TLE1: variants seen among roughly 807,000 people sequenced by gnomAD.
TLE1 encodes transducin-like enhancer protein 1.
Under a neutral mutation model 89.8 loss-of-function variants are expected in TLE1, and 21 were observed. The observed-to-expected ratio is 0.23, with a 90% confidence interval of 0.17 to 0.34. TLE1 has a LOEUF of 0.34. Among genes scored for constraint, TLE1 ranks in the 10% least tolerant of loss-of-function variants. The pLI is 1.00. For missense variants in TLE1, 795 were observed against 1,031.2 expected (o/e 0.77, Z 3.14); for synonymous variants, 447 against 407.6 (o/e 1.10, Z -1.16).
intron 8 of TLE1, among the ~76,000 whole-genome samples, chr9:81,624,789 CAAAT>C (rs1385385596): frequency 2.0e-5 from 3 of 152,020 alleles, no homozygotes; most frequent in African/African-American, 7.3e-5. Flanking sequence ...AAAAAATAAA[CAAAT>C]AAACAAAATC....
rs537039503 is a variant in TLE1, at chr9:81,625,183, C to T, written c.595-4626G>A. Reference sequence around the variant, plus strand: ...AGAAGGGACTGGACTCTCTCTCTCACGAAAATCTGGAATTCTGTGAGAACA... The same window carrying T: ...AGAAGGGACTGGACTCTCTCTCTCATGAAAATCTGGAATTCTGTGAGAACA... On this transcript the variant is annotated intron_variant, in intron 8 of 19. Coordinates refer to ENST00000376499, the MANE Select transcript of TLE1 (RefSeq NM_005077.5). 1.7e-3 allele frequency among the ~76,000 whole-genome samples: 263 copies of T among 152,236 alleles called. 1 individual carries two copies. The highest frequency in any genetic ancestry group is 5.8e-3 in the African/African-American group (239 of 41,532).
chr9:81,676,953 T>G (rs1465947091), intron 4 of TLE1, among the ~76,000 whole-genome samples: 1 of 152,186 alleles, frequency 6.6e-6, no homozygotes, highest in African/African-American at 2.4e-5. Context: ...ACTTACAAAT[T>G]TGGCCGGGCA....
At position 81,584,186 on chromosome 9, in the gene TLE1, C is replaced by T. The variant is rs1828014859; in HGVS notation, c.*12G>A. The T allele has an allele frequency of 6.2e-7, 1 of 1,606,044 alleles. No homozygotes were observed. On this transcript the variant is annotated 3_prime_UTR_variant, in exon 20 of 20. Transcript: ENST00000376499. ...CCCAATTCAACTATAAACGTTAAAC[C>T]ACATAATGTTTTCAGTAGATGACTT... is the stretch of plus-strand genomic sequence containing the variant.
intron 4 of TLE1, among the ~76,000 whole-genome samples, chr9:81,660,793 G>T (rs72747288): frequency 0.14 from 21,425 of 150,926 alleles, 1,911 homozygotes; most frequent in Non-Finnish European, 0.21. Context: ...AGTGTATTCT[G>T]CGACTTTTAA....
chr9:81,654,082 G>C (rs1432683178), intron 4 of TLE1, 46 bp from the exon 5 acceptor site: 2 of 1,588,292 alleles, frequency 1.3e-6, no homozygotes, highest in African/African-American at 1.3e-5. Context: ...TTCACAATCA[G>C]TTCAGAAAGG....
chr9:81,647,819 G>A (rs1462584415), intron 6 of TLE1, among the ~76,000 whole-genome samples: 1 of 152,056 alleles, frequency 6.6e-6, no homozygotes, highest in Non-Finnish European at 1.5e-5. Flanking sequence ...TTTGTCCAAG[G>A]CAACACAATG....
intron 11 of TLE1, among the ~76,000 whole-genome samples, chr9:81,614,502 A>C (rs937780334): frequency 6.6e-6 from 1 of 152,138 alleles, no homozygotes; most frequent in Non-Finnish European, 1.5e-5. Context: ...GCTTTACAAC[A>C]CAGTCCAAGA....
chr9:81,593,742 C>A (rs1380528646), intron 14 of TLE1, among the ~76,000 whole-genome samples: 3 of 152,100 alleles, frequency 2.0e-5, no homozygotes, highest in East Asian at 1.9e-4. Context: ...GCAAAAACAA[C>A]CTCCAAAAAA....
At chr9:81,672,322 A>AATTATTATTATTATTATTATT (rs534539630) in intron 4 of TLE1, among the ~76,000 whole-genome samples, 2 of 150,426 alleles carry the variant, frequency 1.3e-5, no homozygotes, top group African/African-American at 4.9e-5. Flanking sequence ...CCCTGCAATA[A>AATTATTATTATTATTATTATT]ATTATTATTA....
intron 4 of TLE1, among the ~76,000 whole-genome samples, chr9:81,679,795 A>G (rs1028153682): frequency 1.3e-5 from 2 of 152,196 alleles, no homozygotes; most frequent in Non-Finnish European, 2.9e-5. Context: ...AACGAAATCA[A>G]TCAAAGCTTT....
chr9:81,660,078 A>G (rs570622222), intron 4 of TLE1, among the ~76,000 whole-genome samples: 10 of 152,286 alleles, frequency 6.6e-5, no homozygotes, highest in African/African-American at 2.4e-4. Context: ...GCTTCCATAC[A>G]GTTTCTTAAC....
At chr9:81,623,306 T>C (rs1825509905) in intron 8 of TLE1, among the ~76,000 whole-genome samples, 1 of 152,136 alleles carries the variant, frequency 6.6e-6, no homozygotes, top group African/African-American at 2.4e-5. Context: ...AGAGCTACTT[T>C]ATACATATTT....
At chr9:81,638,646 G>A (rs1466199254) in intron 6 of TLE1, among the ~76,000 whole-genome samples, 3 of 152,054 alleles carry the variant, frequency 2.0e-5, no homozygotes, top group Non-Finnish European at 4.4e-5. Flanking sequence ...CTTTTTTTGA[G>A]ACAGAGTCTT....
chr9:81,628,793 C>T (rs935498505), intron 8 of TLE1, among the ~76,000 whole-genome samples: 1 of 152,124 alleles, frequency 6.6e-6, no homozygotes, highest in African/African-American at 2.4e-5. Context: ...ACCCAGCCTC[C>T]TTGATAAAAC....
rs1825188261 is a variant in TLE1 at position 81,621,096 on chromosome 9, T to TA, written c.595-540dup. The stretch of plus-strand genomic sequence containing the variant: ...AATTCTTTTAATTTATTGTTGAAAA[T>TA]AAGACTTGGTGTTCCTCGCCAATAG... On this transcript the variant is annotated intron_variant, in intron 8 of 19. Coordinates refer to ENST00000376499, the MANE Select transcript of TLE1 (RefSeq NM_005077.5). Among the ~76,000 whole-genome samples, 7 of 152,270 alleles carry TA rather than the reference T, an allele frequency of 4.6e-5. No homozygotes were observed. The South Asian group carries it at 1.4e-3, about 32-fold the overall frequency.
chr9:81,672,242 T>C (rs1398335010), intron 4 of TLE1, among the ~76,000 whole-genome samples: 1 of 152,156 alleles, frequency 6.6e-6, no homozygotes, highest in Admixed American at 6.6e-5. Context: ...TTCTACTGCA[T>C]TGTGCTTGGG....
chr9:81,653,507 A>G (rs1418395927), intron 5 of TLE1, among the ~76,000 whole-genome samples: 5 of 152,234 alleles, frequency 3.3e-5, no homozygotes, highest in Non-Finnish European at 7.3e-5. Flanking sequence ...TCATTAAGTT[A>G]ATGTATTTTG....
chr9:81,615,104 AAAAAAAAAAAAAAAAAAGAAGAAG>A lies in TLE1; in HGVS notation c.918+854_918+877del, dbSNP rs1224583156. Among the ~76,000 whole-genome samples the A allele has an allele frequency of 2.4e-4, 32 of 133,554 alleles. 1 individual carries two copies. Among genetic ancestry groups the A allele is most frequent in the African/African-American group, 8.3e-4 (29 of 34,954 alleles). The allele number at this position is 133,554 out of a possible 152,430, so 87.6% of individuals were successfully genotyped here. On this transcript the variant is annotated intron_variant, in intron 11 of 19. Transcript: ENST00000376499. ...CTCAAAAAAAAAAAAAAAAAAAAAA[AAAAAAAAAAAAAAAAAAGAAGAAG>A]AAGAAGAAGGCAATGAACATGGATG...
At chr9:81,633,693 G>C (rs1447599960) in intron 7 of TLE1, 5 of 487,450 alleles carry the variant, frequency 1.0e-5, no homozygotes, top group Non-Finnish European at 1.8e-5. Context: ...ATGAAACTAA[G>C]TAGTAACAGA....
Sources: gnomAD v4.1 joint callset for allele counts (sites outside exome capture counted in the v4.1 genomes callset) on GRCh38, gnomAD v4.1.1 for gene constraint, MANE v1.5 for transcripts, NCBI Gene and HGNC (gene_info 2026-07-23, HGNC 2026-07-21) for gene names.